The following MBD5 variants were observed in gnomAD, a reference collection of about 807,000 sequenced individuals.
The protein encoded by MBD5 is methyl-CpG binding domain protein 5.
Under a neutral mutation model 117.3 loss-of-function variants are expected in MBD5, and 13 were observed. That is an observed-to-expected ratio of 0.11 (90% CI 0.07 to 0.18). The LOEUF is 0.18. MBD5 is among the 10% of genes least tolerant of loss of function. MBD5 has a pLI of 1.00. For synonymous variants in MBD5, 727 were observed against 766.4 expected, an observed-to-expected ratio of 0.95 and a Z score of 0.85; for missense variants, 1,879 against 2,093.8, an observed-to-expected ratio of 0.90 and a Z score of 2.00.
chr2:148,070,234 A>G (rs1695314050), intron 1 of MBD5, among the ~76,000 whole-genome samples: 1 of 152,194 alleles, frequency 6.6e-6, no homozygotes, highest in Admixed American at 6.5e-5. Context: ...TACTTCACTT[A>G]ACATAATAAC....
chr2:148,029,346 A>C (rs1239050792), intron 1 of MBD5, among the ~76,000 whole-genome samples: 1 of 152,138 alleles, frequency 6.6e-6, no homozygotes, highest in Non-Finnish European at 1.5e-5. Context: ...TTTTGAAATT[A>C]ATGAATTCTG....
chr2:148,513,148 T>G lies in MBD5; in HGVS notation c.*207T>G. The G allele has an allele frequency of 1.7e-6, 1 of 578,812 alleles. No homozygotes were observed. Among genetic ancestry groups the G allele is most frequent in the South Asian group, 2.1e-5 (1 of 48,310 alleles). The allele number at this position is 578,812 out of a possible 1,614,324, so 35.9% of individuals were successfully genotyped here. On this transcript the variant is annotated 3_prime_UTR_variant, in exon 14 of 14. Transcript: ENST00000642680. Reference sequence around the variant, plus strand: ...TGCTGGAAAAGCCAATCAAAGTCTCTGTGTGATGAGAGTGATCAATGGTCA... The same window carrying G: ...TGCTGGAAAAGCCAATCAAAGTCTCGGTGTGATGAGAGTGATCAATGGTCA...
chr2:148,413,603 G>A (rs1284466753), intron 4 of MBD5, among the ~76,000 whole-genome samples: 1 of 150,960 alleles, frequency 6.6e-6, no homozygotes, highest in Non-Finnish European at 1.5e-5. Flanking sequence ...TCTGGTCCTG[G>A]GTTTTTTTCT....
At chr2:148,394,714 A>G (rs1012065012) in intron 4 of MBD5, among the ~76,000 whole-genome samples, 2 of 109,766 alleles carry the variant, frequency 1.8e-5, no homozygotes, top group Admixed American at 8.9e-5. Context: ...GCTGTTCTCA[A>G]TTTCATTCTG....
At chr2:148,323,946 G>C (rs1413586363) in intron 3 of MBD5, among the ~76,000 whole-genome samples, 3 of 152,140 alleles carry the variant, frequency 2.0e-5, no homozygotes, top group Non-Finnish European at 4.4e-5. Context: ...GTAATGCCTA[G>C]GTTTTCTTTT....
intron 3 of MBD5, among the ~76,000 whole-genome samples, chr2:148,303,867 C>A (rs1701830203): frequency 6.6e-6 from 1 of 152,066 alleles, no homozygotes; most frequent in South Asian, 2.1e-4. Context: ...TCAAATAAAT[C>A]TAATTTTATT....
chr2:148,444,732 C>G (rs1422169266), intron 4 of MBD5, among the ~76,000 whole-genome samples: 3 of 151,002 alleles, frequency 2.0e-5, no homozygotes, highest in Admixed American at 6.6e-5. Flanking sequence ...GATTAACTCT[C>G]TCTTCAAGCT....
chr2:148,390,798 C>T (rs893612551), intron 4 of MBD5, among the ~76,000 whole-genome samples: 1 of 151,954 alleles, frequency 6.6e-6, no homozygotes, highest in African/African-American at 2.4e-5. Flanking sequence ...TGGGCTCAGG[C>T]GAACCTCCCA....
intron 9 of MBD5, 140 bp downstream of exon 9, chr2:148,484,275 T>C (rs995684401): frequency 5.7e-6 from 4 of 697,240 alleles, no homozygotes; most frequent in African/African-American, 5.4e-5. Context: ...GAACTAAATA[T>C]AACAACACCC....
chr2:148,046,838 A>G (rs572475024), intron 1 of MBD5, among the ~76,000 whole-genome samples: 3 of 152,104 alleles, frequency 2.0e-5, no homozygotes, highest in Admixed American at 2.0e-4. Flanking sequence ...CCTAATTAAA[A>G]ACCTTGTGGA....
intron 1 of MBD5, among the ~76,000 whole-genome samples, chr2:148,131,382 A>G (rs2105470313): frequency 6.6e-6 from 1 of 152,322 alleles, no homozygotes; most frequent in South Asian, 2.1e-4. Flanking sequence ...CATAAGAACT[A>G]GCTTGCATTA....
chr2:148,393,352 A>T (rs1319348085), intron 4 of MBD5: 1 of 152,164 alleles, frequency 6.6e-6, no homozygotes, highest in African/African-American at 2.4e-5. Flanking sequence ...AATCACCTCC[A>T]ACAGTCAAAA....
intron 4 of MBD5, among the ~76,000 whole-genome samples, chr2:148,402,332 A>G (rs1181541266): frequency 6.6e-6 from 1 of 152,082 alleles, no homozygotes; most frequent in Non-Finnish European, 1.5e-5. Flanking sequence ...ATTACGTGAA[A>G]TTCTTCAATA....
intron 3 of MBD5, among the ~76,000 whole-genome samples, chr2:148,328,523 G>C (rs924477064): frequency 2.6e-5 from 4 of 152,230 alleles, no homozygotes; most frequent in Non-Finnish European, 4.4e-5. Flanking sequence ...TCCGACCCAG[G>C]TGCAGGATAT....
chr2:148,039,975 C>T (rs1694309442), intron 1 of MBD5, among the ~76,000 whole-genome samples: 1 of 151,956 alleles, frequency 6.6e-6, no homozygotes, highest in Non-Finnish European at 1.5e-5. Flanking sequence ...TCAAAGCACC[C>T]TACTCCATTC....
Position 148,483,922 on chromosome 2 carries a change from A to T in MBD5, c.3331A>T (p.Thr1111Ser). The change falls in exon 9 of 14, where the codon ACC becomes TCC. Residue 1111 changes from threonine (T) to serine (S), a missense_variant. By Grantham distance (58) the Thr-to-Ser change is moderately conservative. Around this residue, in one of 4 missense-constraint regions of MBD5, gnomAD observed 1,666 missense variants for 1,792.2 expected, o/e 0.93. Transcript: ENST00000642680. Reference protein sequence around the residue: ...TANHPEVSIATSSQATTTTTT... With the variant: ...TANHPEVSIASSSQATTTTTT... ...TAATCATCCAGAGGTTTCCATAGCA[A>T]CCTCCTCCCAGGCAACCACTACCAC... is the stretch of plus-strand genomic sequence containing the variant. The T allele has an allele frequency of 1.3e-6, 2 of 1,550,426 alleles. No homozygotes were observed. The highest frequency in any genetic ancestry group is 2.4e-5 in the South Asian group (2 of 84,048).
intron 2 of MBD5, among the ~76,000 whole-genome samples, chr2:148,215,473 G>A (rs1699528015): frequency 6.6e-6 from 1 of 152,046 alleles, no homozygotes; most frequent in South Asian, 2.1e-4. Context: ...CTCCTTGTGG[G>A]CCCATGGACC....
At chr2:148,110,484 TC>T (rs1437155207) in intron 1 of MBD5, among the ~76,000 whole-genome samples, 2 of 152,328 alleles carry the variant, frequency 1.3e-5, no homozygotes, top group South Asian at 4.1e-4. Flanking sequence ...CAGATTCTCA[TC>T]TTGTGCATCA....
chr2:148,134,457 G>A (rs2105489645), intron 1 of MBD5, among the ~76,000 whole-genome samples: 1 of 152,168 alleles, frequency 6.6e-6, no homozygotes, highest in East Asian at 1.9e-4. Flanking sequence ...TGGATAATAG[G>A]CAAATTCTTT....
Sources: gnomAD v4.1 joint callset for allele counts (sites outside exome capture counted in the v4.1 genomes callset) on GRCh38, gnomAD v4.1.1 for gene constraint, gnomAD v4.1.1 regional missense constraint, MANE v1.5 for transcripts, NCBI Gene and HGNC (gene_info 2026-07-23, HGNC 2026-07-21) for gene names.